The following PRKAG1 variants were observed in gnomAD, a reference collection of about 807,000 sequenced individuals.
PRKAG1 encodes 5'-AMP-activated protein kinase subunit gamma-1.
PRKAG1 carries 27 observed loss-of-function variants against 48.2 expected under a neutral mutation model. The observed-to-expected ratio is 0.56, with a 90% confidence interval of 0.41 to 0.77. The LOEUF (loss-of-function observed/expected upper bound fraction) is 0.77. Among genes scored for constraint, PRKAG1 ranks in the 30% least tolerant of loss-of-function variants. The probability of loss-of-function intolerance (pLI) is 0.00; values close to 1 mark genes in which losing one functional copy is unlikely to be tolerated. For missense variants in PRKAG1, 287 were observed against 398.3 expected (o/e 0.72, Z 2.38); for synonymous variants, 130 against 147.7 (o/e 0.88, Z 0.87).
In PRKAG1 at chr12:49,003,563, C is replaced by T; in HGVS notation, c.736G>A (p.Val246Ile). ...RVVDIYSKFD[V>I]INLAAEKTYN... ...GACCCTCCACAATCACTCACGATAA[C>T]ATCAAACTTGGAGTAGATGTCCACC... The change falls in exon 10 of 12, where the codon GTT becomes ATT. Residue 246 changes from valine (V) to isoleucine (I), a missense_variant. Around this residue, in one of 2 missense-constraint regions of PRKAG1, gnomAD observed 224 missense variants for 344.3 expected, o/e 0.65. Transcript: ENST00000548065. 1 of 1,579,842 alleles carries T rather than the reference C, an allele frequency of 6.3e-7. No individual in the cohort carries two copies. Among genetic ancestry groups the T allele is most frequent in the East Asian group, 2.3e-5 (1 of 44,030 alleles).
At chr12:49,010,507 C>T (rs997903312) in intron 2 of PRKAG1, among the ~76,000 whole-genome samples, 6 of 152,210 alleles carry the variant, frequency 3.9e-5, no homozygotes, top group African/African-American at 1.4e-4. Context: ...CAGTGCAGTA[C>T]TTCAGCCCTA....
At chr12:49,009,165 C>G (rs924743562) in intron 2 of PRKAG1, 1 of 150,814 alleles carries the variant, frequency 6.6e-6, no homozygotes, top group Non-Finnish European at 1.5e-5. Context: ...ATTCTGTTAC[C>G]CAGGCTGGAG....
At chr12:49,011,523 G>A (rs1045048967) in intron 2 of PRKAG1, among the ~76,000 whole-genome samples, 6 of 150,588 alleles carry the variant, frequency 4.0e-5, no homozygotes, top group African/African-American at 1.5e-4. Context: ...GCAAAAATAG[G>A]TCTTAGTTGA....
In PRKAG1 at chr12:49,005,949, T is replaced by C; in HGVS notation, c.59-97A>G. 1.1e-6 allele frequency: 1 copy of C among 890,432 alleles called. No homozygotes were observed. The highest frequency in any genetic ancestry group is 1.7e-6 in the Non-Finnish European group (1 of 579,278). 55.2% of individuals were successfully genotyped at this position (890,432 alleles called of 1,614,324 possible). ...ATAGTGTTCTAGTATCTCAAATATT[T>C]AGAGCATTATTTTTTAATAAGACCC... is the stretch of plus-strand genomic sequence containing the variant. On this transcript the variant is annotated intron_variant, in intron 2 of 11. Coordinates refer to ENST00000548065, the MANE Select transcript of PRKAG1 (RefSeq NM_002733.5). This position sits in a 1 kb window ranked among gnomAD's most constrained non-coding sequence, Gnocchi z 4.1.
At chr12:49,003,486 C>G (rs1226080189) in intron 10 of PRKAG1, 72 bp downstream of exon 10, 1 of 1,575,508 alleles carries the variant, frequency 6.3e-7, no homozygotes, top group Non-Finnish European at 8.7e-7. Flanking sequence ...AGACTCCCTT[C>G]TCCCTCTCCA....
At position 49,003,764 on chromosome 12, in the gene PRKAG1, A is replaced by G; in HGVS notation, c.696T>C (p.Asp232=). The stretch of plus-strand genomic sequence containing the variant: ...TTCTGCCCAATCTCTCACCCTTCTC[A>G]TCCACCACTGGCAGGGCTGAGACTC... ...QHRVSALPVV[D]EKGRVVDIYS... The change falls in exon 9 of 12, where the codon GAT becomes GAC. Residue 232 remains aspartate, a synonymous_variant. Coordinates refer to ENST00000548065, the MANE Select transcript of PRKAG1 (RefSeq NM_002733.5). 1 of 1,612,014 alleles carries G rather than the reference A, an allele frequency of 6.2e-7. No individual in the cohort carries two copies. The highest frequency in any genetic ancestry group is 2.2e-5 in the East Asian group (1 of 44,850).
Position 49,005,903 on chromosome 12 carries a change from T to A in PRKAG1, c.59-51A>T, listed in dbSNP as rs1266190587. On this transcript the variant is annotated intron_variant, in intron 2 of 11. Coordinates refer to ENST00000548065, the MANE Select transcript of PRKAG1 (RefSeq NM_002733.5). This position sits in a 1 kb window ranked among gnomAD's most constrained non-coding sequence, Gnocchi z 4.1. The stretch of plus-strand genomic sequence containing the variant: ...CTTCCTTCCACATAAAAACTCCCAA[T>A]CAAAAGAGACAGAAAACAAAATAGT... 7.3e-7 allele frequency: 1 copy of A among 1,362,582 alleles called. No individual in the cohort carries two copies. Among genetic ancestry groups the A allele is most frequent in the Non-Finnish European group, 1.0e-6 (1 of 991,914 alleles). 84.4% of individuals were successfully genotyped at this position (1,362,582 alleles called of 1,614,324 possible).
At chr12:49,012,043 G>A (rs374171581) in intron 2 of PRKAG1, among the ~76,000 whole-genome samples, 14 of 152,126 alleles carry the variant, frequency 9.2e-5, no homozygotes, top group East Asian at 7.7e-4. Context: ...TTTTAGTAGA[G>A]ACAAGATTTC....
At position 49,018,529 on chromosome 12, in the gene PRKAG1, G is replaced by A. The variant is rs1942099909; in HGVS notation, c.9+203C>T. 5 of 1,435,950 alleles carry A rather than the reference G, an allele frequency of 3.5e-6. No individual in the cohort carries two copies. In the Admixed American group the frequency reaches 8.5e-5, roughly 24 times the overall value. 89.0% of individuals were successfully genotyped at this position (1,435,950 alleles called of 1,614,324 possible). A position where few individuals can be genotyped will look rare whatever the true frequency, so the allele number is the denominator to read the frequency against. On this transcript the variant is annotated intron_variant, in intron 1 of 11. Coordinates refer to ENST00000548065, the MANE Select transcript of PRKAG1 (RefSeq NM_002733.5). ...GGGCTAAGGGTACCGCGTACGGAAA[G>A]GCGGCGGGGACGCGGCCCAGTTCCA...
At chr12:49,009,785 G>A (rs1941685998) in intron 2 of PRKAG1, among the ~76,000 whole-genome samples, 1 of 151,954 alleles carries the variant, frequency 6.6e-6, no homozygotes, top group Admixed American at 6.6e-5. Flanking sequence ...GCTAATTTTT[G>A]TATTTTTAGT....
chr12:49,005,479 T>C lies in PRKAG1; in HGVS notation c.233A>G (p.Lys78Arg), dbSNP rs1941499785. 1.2e-6 allele frequency: 2 copies of C among 1,614,070 alleles called. No homozygotes were observed. Among genetic ancestry groups the C allele is most frequent in the African/African-American group, 1.3e-5 (1 of 74,922 alleles). Residue 78 changes from lysine (K) to arginine (R), a missense_variant, in exon 4 of 12, where the codon AAG becomes AGG. Around this residue, in one of 2 missense-constraint regions of PRKAG1, gnomAD observed 224 missense variants for 344.3 expected, o/e 0.65. Transcript: ENST00000548065. The surrounding 1 kb of genome is among the most constrained non-coding windows in gnomAD (Gnocchi z 4.1). ...TTGCTTACCCACAAAACTTTGCTTC[T>C]TACTATCCCATAAAGGGGCAGCTCG... is the stretch of plus-strand genomic sequence containing the variant. ...GVRAAPLWDSKKQSFVGMLTI... is the reference protein window; with the variant it reads ...GVRAAPLWDSRKQSFVGMLTI...
intron 1 of PRKAG1, among the ~76,000 whole-genome samples, chr12:49,013,536 AC>A (rs1941847187): frequency 6.6e-6 from 1 of 152,088 alleles, no homozygotes; most frequent in Non-Finnish European, 1.5e-5. Context: ...GAGTTACTGC[AC>A]CCAGCCTTAT....
At chr12:49,018,420 T>C in intron 1 of PRKAG1, 2 of 1,284,994 alleles carry the variant, frequency 1.6e-6, no homozygotes, top group Non-Finnish European at 2.0e-6. Context: ...CTAAAAGGGC[T>C]TGAGGTGCCA....
At chr12:49,017,103 C>A (rs1942006366) in intron 1 of PRKAG1, 2 of 455,188 alleles carry the variant, frequency 4.4e-6, no homozygotes, top group Non-Finnish European at 8.8e-6. Context: ...ATATTGATGA[C>A]AGCATTTATT....
intron 2 of PRKAG1, chr12:49,009,255 G>A (rs544583809): frequency 1.3e-5 from 2 of 151,802 alleles, no homozygotes; most frequent in African/African-American, 4.8e-5. Context: ...CTCCTGAGTA[G>A]CTGGGACTAC....
Position 49,005,891 on chromosome 12 carries a change from A to C in PRKAG1, c.59-39T>G. 7.1e-7 allele frequency: 1 copy of C among 1,415,180 alleles called. No homozygotes were observed. The highest frequency in any genetic ancestry group is 1.4e-5 in the African/African-American group (1 of 69,462). 87.7% of individuals were successfully genotyped at this position (1,415,180 alleles called of 1,614,324 possible). On this transcript the variant is annotated intron_variant, in intron 2 of 11. Transcript: ENST00000548065. The surrounding 1 kb of genome is among the most constrained non-coding windows in gnomAD (Gnocchi z 4.1). ...GATAGTTAGTAGCTTCCTTCCACATAAAAACTCCCAATCAAAAGAGACAGA... is the reference window on the plus strand; with the variant it reads ...GATAGTTAGTAGCTTCCTTCCACATCAAAACTCCCAATCAAAAGAGACAGA...
intron 1 of PRKAG1, 75 bp downstream of exon 1, chr12:49,018,657 C>T: frequency 6.2e-7 from 1 of 1,607,630 alleles, no homozygotes; most frequent in Non-Finnish European, 8.5e-7. Flanking sequence ...CCTGCCCGGC[C>T]CTCCCGGTCT....
At chr12:49,012,542 T>C (rs952029034) in intron 2 of PRKAG1, 1 of 152,794 alleles carries the variant, frequency 6.5e-6, no homozygotes, top group African/African-American at 2.4e-5. Flanking sequence ...ACCTGGCTGA[T>C]TTTGTATTTT....
chr12:49,003,091 C>T lies in PRKAG1; in HGVS notation c.888+53G>A, dbSNP rs1941355205. The T allele has an allele frequency of 1.9e-6, 3 of 1,613,424 alleles. No individual in the cohort carries two copies. In the South Asian group the frequency reaches 3.3e-5, roughly 18 times the overall value. On this transcript the variant is annotated intron_variant, in intron 11 of 11. Transcript: ENST00000548065. ...TCTGCCCCTACTCTCCTTGCCAAACCCCACTCTCAAGGCTGCTCCCCTCAG... is the reference window on the plus strand; with the variant it reads ...TCTGCCCCTACTCTCCTTGCCAAACTCCACTCTCAAGGCTGCTCCCCTCAG...
Sources: gnomAD v4.1 joint callset for allele counts (sites outside exome capture counted in the v4.1 genomes callset) on GRCh38, gnomAD v4.1.1 for gene constraint, gnomAD v4.1.1 regional missense constraint, Gnocchi (gnomAD v3.1) non-coding constraint, MANE v1.5 for transcripts, NCBI Gene and HGNC (gene_info 2026-07-23, HGNC 2026-07-21) for gene names.